Variants in EQTN observed in about 807,000 individuals in gnomAD.
The protein encoded by EQTN is equatorin.
In EQTN, 29 loss-of-function variants were observed where a neutral mutation model predicts 26.9. The observed-to-expected ratio is 1.08, with a 90% confidence interval of 0.80 to 1.47. EQTN has a LOEUF of 1.47. EQTN is among the 40% of genes most tolerant of loss of function. EQTN has a pLI of 0.00. For missense variants in EQTN, 391 were observed against 346.1 expected (o/e 1.13, Z -1.03); for synonymous variants, 129 against 120.0 (o/e 1.07, Z -0.49).
intron 7 of EQTN, among the ~76,000 whole-genome samples, chr9:27,285,964 C>T (rs927550142): frequency 1.3e-5 from 2 of 152,166 alleles, no homozygotes; most frequent in African/African-American, 4.8e-5. Flanking sequence ...TATCTAGATT[C>T]GCTTTATCCT....
Position 27,297,017 on chromosome 9 carries a change from A to C in EQTN, c.39T>G (p.Phe13Leu). ...FILFIFIPGVFSLKSSTLKPT... is the reference protein window; with the variant it reads ...FILFIFIPGVLSLKSSTLKPT... ...GCTTCAAAGTGCTACTTTTTAAGGA[A>C]AAAACTCCAGGTATAAAAATAAACA... is the stretch of plus-strand genomic sequence containing the variant. Residue 13 changes from phenylalanine (F) to leucine (L), a missense_variant, in exon 1 of 8, where the codon TTT becomes TTG. By Grantham distance (22) the Phe-to-Leu change is conservative. Transcript: ENST00000380032. 6.2e-7 allele frequency: 1 copy of C among 1,611,388 alleles called. No individual in the cohort carries two copies. Among genetic ancestry groups the C allele is most frequent in the Non-Finnish European group, 8.5e-7 (1 of 1,178,688 alleles).
At position 27,284,864 on chromosome 9, in the gene EQTN, C is replaced by T. The variant is rs759660904; in HGVS notation, c.744G>A (p.Glu248=). The change falls in exon 8 of 8, where the codon GAG becomes GAA. Residue 248 remains glutamate, a synonymous_variant. Coordinates refer to ENST00000380032, the MANE Select transcript of EQTN (RefSeq NM_020641.3). ...AAGTGGTACCCAAAAATGTGCTGCT[C>T]TCTGCACTCTTGGAAAAGGATGTAT... ...VSDTSFSKSA[E]SSTFLGTTSS... is the part of the protein sequence containing the mutation. The T allele has an allele frequency of 5.9e-5, 96 of 1,614,074 alleles. No individual in the cohort carries two copies. The South Asian group carries it at 1.0e-3, about 17-fold the overall frequency.
intron 6 of EQTN, 136 bp downstream of exon 6, chr9:27,289,536 A>C: frequency 3.5e-6 from 2 of 567,006 alleles, no homozygotes; most frequent in South Asian, 3.0e-5. Flanking sequence ...TTTTGTAGAG[A>C]AAAGGTTTTT....
chr9:27,284,987 A>G lies in EQTN; in HGVS notation c.636-15T>C, dbSNP rs1820087854. On this transcript the variant is annotated splice_polypyrimidine_tract_variant and intron_variant, in intron 7 of 7. Coordinates refer to ENST00000380032, the MANE Select transcript of EQTN (RefSeq NM_020641.3). ...AACTTTTATAACTGAAGAAGAAAAG[A>G]ACATATATCAAGAATTGTTTTTAAT... 6.3e-7 allele frequency: 1 copy of G among 1,599,322 alleles called. No homozygotes were observed. Among genetic ancestry groups the G allele is most frequent in the South Asian group, 1.1e-5 (1 of 88,394 alleles).
chr9:27,296,233 G>T (rs1290043502), intron 2 of EQTN, among the ~76,000 whole-genome samples: 1 of 152,160 alleles, frequency 6.6e-6, no homozygotes, highest in Non-Finnish European at 1.5e-5. Flanking sequence ...AACCCTGGGA[G>T]GTCAAGGCTG....
intron 7 of EQTN, among the ~76,000 whole-genome samples, chr9:27,285,413 A>T (rs1233928901): frequency 6.6e-6 from 1 of 152,102 alleles, no homozygotes; most frequent in African/African-American, 2.4e-5. Flanking sequence ...AAGTTCTGGG[A>T]TTACAGGTGT....
chr9:27,285,110 T>C (rs1820092082), intron 7 of EQTN, 138 bp from the exon 8 acceptor site: 1 of 439,822 alleles, frequency 2.3e-6, no homozygotes, highest in Admixed American at 4.2e-5. Context: ...ATGTGAATGA[T>C]ATATAGTTTT....
At chr9:27,294,602 G>GT in intron 2 of EQTN, 200 bp from the exon 3 acceptor site, 1 of 352,652 alleles carries the variant, frequency 2.8e-6, no homozygotes. Context: ...AGCCAAACTA[G>GT]TATCTTTATG....
At chr9:27,286,440 A>G in intron 6 of EQTN, 78 bp from the exon 7 acceptor site, 1 of 1,406,346 alleles carries the variant, frequency 7.1e-7, no homozygotes, top group South Asian at 1.3e-5. Context: ...CAAAGCAAAT[A>G]CAGAGAAGCA....
chr9:27,291,729 A>C (rs1334896537), intron 4 of EQTN, among the ~76,000 whole-genome samples: 4 of 152,220 alleles, frequency 2.6e-5, no homozygotes, highest in Admixed American at 6.5e-5. Context: ...GATTTTTTTC[A>C]GTAGTGTTAA....
At chr9:27,296,764 G>C in intron 1 of EQTN, 26 bp from the exon 2 acceptor site, 1 of 1,591,240 alleles carries the variant, frequency 6.3e-7, no homozygotes. Flanking sequence ...ACACACCATA[G>C]ATCAGAAATA....
At chr9:27,290,329 T>A (rs1028616137) in intron 5 of EQTN, among the ~76,000 whole-genome samples, 1 of 152,158 alleles carries the variant, frequency 6.6e-6, no homozygotes, top group Admixed American at 6.5e-5. Flanking sequence ...CAGCTGGGAA[T>A]GTGTGTGTCA....
intron 5 of EQTN, among the ~76,000 whole-genome samples, chr9:27,290,677 C>T (rs7876025): frequency 0.34 from 51,309 of 152,056 alleles, 9,389 homozygotes; most frequent in African/African-American, 0.47. Context: ...TTTTGGTATA[C>T]ACTTTGCATT....
intron 3 of EQTN, among the ~76,000 whole-genome samples, chr9:27,293,696 A>G (rs535335553): frequency 6.6e-5 from 10 of 152,324 alleles, no homozygotes; most frequent in African/African-American, 1.9e-4. Context: ...CTTGTCCCAG[A>G]CAACTCAAGA....
intron 6 of EQTN, 38 bp from the exon 7 acceptor site, chr9:27,286,400 C>A: frequency 6.4e-7 from 1 of 1,550,658 alleles, no homozygotes; most frequent in South Asian, 1.2e-5. Context: ...ATAGGGTGTT[C>A]AGTGTGTTCT....
At chr9:27,291,871 A>T (rs1587114092) in intron 4 of EQTN, among the ~76,000 whole-genome samples, 1 of 152,286 alleles carries the variant, frequency 6.6e-6, no homozygotes, top group East Asian at 1.9e-4. Flanking sequence ...AAGACCTTAG[A>T]GGAGAGCCAT....
rs7023473 is a variant in EQTN at position 27,286,283 on chromosome 9, C to A, written c.561G>T (p.Ser187=). The change falls in exon 7 of 8, where the codon TCG becomes TCT. Residue 187 remains serine, a synonymous_variant. Coordinates refer to ENST00000380032, the MANE Select transcript of EQTN (RefSeq NM_020641.3). ...DLKIKIMLGI[S]LMTLLLFVVL... Reference sequence around the variant, plus strand: ...CCACAAAGAGGAGGAGGGTCATCAACGAGATTCCCAGCATTATTTTGATCT... The same window carrying A: ...CCACAAAGAGGAGGAGGGTCATCAAAGAGATTCCCAGCATTATTTTGATCT... The A allele has an allele frequency of 1.2e-6, 2 of 1,612,974 alleles. No individual in the cohort carries two copies. The highest frequency in any genetic ancestry group is 1.3e-5 in the African/African-American group (1 of 75,032).
chr9:27,295,768 C>G (rs1364222026), intron 2 of EQTN, among the ~76,000 whole-genome samples: 1 of 124,020 alleles, frequency 8.1e-6, no homozygotes, highest in East Asian at 2.9e-4. Context: ...GGAGGCGGAA[C>G]TTGGAGCGAG....
Position 27,284,670 on chromosome 9 carries a change from A to G in EQTN, c.*53T>C, listed in dbSNP as rs1820078804. On this transcript the variant is annotated 3_prime_UTR_variant, in exon 8 of 8. Transcript: ENST00000380032. Reference sequence around the variant, plus strand: ...AGAAAGGTCTTTTGATGACAAAATAATTAAAGTTATTTATTCATCAATAAG... The same window carrying G: ...AGAAAGGTCTTTTGATGACAAAATAGTTAAAGTTATTTATTCATCAATAAG... The G allele has an allele frequency of 6.4e-7, 1 of 1,559,182 alleles. No individual in the cohort carries two copies.
Sources: allele counts gnomAD v4.1 joint callset (sites outside exome capture counted in the v4.1 genomes callset), GRCh38; gene constraint gnomAD v4.1.1; transcripts MANE v1.5; gene names NCBI Gene and HGNC (gene_info 2026-07-23, HGNC 2026-07-21).